KCNIP4: variants seen among roughly 807,000 people sequenced by gnomAD.
The protein encoded by KCNIP4 is potassium voltage-gated channel interacting protein 4.
KCNIP4 carries 12 observed loss-of-function variants against 34.0 expected under a neutral mutation model. The observed-to-expected ratio is 0.35, with a 90% CI of 0.23 to 0.57. The LOEUF is 0.57. KCNIP4 is among the 20% of genes least tolerant of loss of function. The pLI is 0.83. For missense variants in KCNIP4, 238 were observed against 311.7 expected (o/e 0.76, Z 1.78); for synonymous variants, 124 against 102.2 (o/e 1.21, Z -1.29).
At chr4:20,780,120 T>TGTGAG (rs1247273664) in intron 3 of KCNIP4, among the ~76,000 whole-genome samples, 2 of 152,152 alleles carry the variant, frequency 1.3e-5, no homozygotes, top group Non-Finnish European at 2.9e-5. Context: ...GTATGGAACT[T>TGTGAG]GTGAGACTAA....
At chr4:21,596,119 T>C (rs1440510527) in intron 1 of KCNIP4, among the ~76,000 whole-genome samples, 1 of 152,166 alleles carries the variant, frequency 6.6e-6, no homozygotes, top group African/African-American at 2.4e-5. Context: ...ATTCTCTGTT[T>C]CTTGTTTAAC....
rs192927138 is a variant in KCNIP4, at chr4:21,153,171, C to G, written c.62-270462G>C. ...ACTCCTAGTAGTAGAATTGTTGGCT[C>G]AAAGGGTAAATACATCTATAATTTA... is the stretch of plus-strand genomic sequence containing the variant. On this transcript the variant is annotated intron_variant, in intron 1 of 8. Coordinates refer to ENST00000382152, the MANE Select transcript of KCNIP4 (RefSeq NM_025221.6). 1.3e-3 allele frequency among the ~76,000 whole-genome samples: 192 copies of G among 152,168 alleles called. 1 individual carries two copies. The highest frequency in any genetic ancestry group is 1.8e-3 in the Non-Finnish European group (120 of 67,996).
At chr4:20,946,753 C>T (rs1162019121) in intron 1 of KCNIP4, among the ~76,000 whole-genome samples, 1 of 152,118 alleles carries the variant, frequency 6.6e-6, no homozygotes, top group Non-Finnish European at 1.5e-5. Flanking sequence ...AGTTAAAATA[C>T]ATTCATTGGT....
chr4:21,434,890 A>T (rs1226892985), intron 1 of KCNIP4, among the ~76,000 whole-genome samples: 1 of 152,060 alleles, frequency 6.6e-6, no homozygotes, highest in African/African-American at 2.4e-5. Context: ...GGTGTTCTAG[A>T]TAAGTTACTG....
intron 1 of KCNIP4, among the ~76,000 whole-genome samples, chr4:21,759,247 T>C (rs1717883411): frequency 6.6e-6 from 1 of 152,210 alleles, no homozygotes; most frequent in Admixed American, 6.6e-5. Flanking sequence ...AGTGATATGA[T>C]CAGTGAATAG....
chr4:20,791,655 C>T (rs568029848), intron 3 of KCNIP4, among the ~76,000 whole-genome samples: 1 of 152,180 alleles, frequency 6.6e-6, no homozygotes, highest in Admixed American at 6.5e-5. Flanking sequence ...ATAAAACAAT[C>T]AAACTTTATA....
chr4:20,906,770 G>A (rs1727812715), intron 1 of KCNIP4, among the ~76,000 whole-genome samples: 1 of 152,094 alleles, frequency 6.6e-6, no homozygotes, highest in South Asian at 2.1e-4. Context: ...TTCCATTCCA[G>A]CTTTAGACCC....
intron 1 of KCNIP4, among the ~76,000 whole-genome samples, chr4:21,714,675 A>T (rs1714011272): frequency 6.6e-6 from 1 of 152,038 alleles, no homozygotes. Context: ...TTCCCCATTC[A>T]ACACATTTGC....
chr4:21,529,841 C>T (rs758249777), intron 1 of KCNIP4, among the ~76,000 whole-genome samples: 3 of 152,112 alleles, frequency 2.0e-5, no homozygotes, highest in Non-Finnish European at 4.4e-5. Flanking sequence ...ACATGAAATA[C>T]ATCATGGCAT....
In KCNIP4 at chr4:21,618,998, T is replaced by C. The variant is rs1744816164; in HGVS notation, c.61+329573A>G. Among the ~76,000 whole-genome samples, 4 of 152,144 alleles carry C rather than the reference T, an allele frequency of 2.6e-5. No homozygotes were observed. In the South Asian group the frequency reaches 8.3e-4, roughly 32 times the overall value. On this transcript the variant is annotated intron_variant, in intron 1 of 8. Coordinates refer to ENST00000382152, the MANE Select transcript of KCNIP4 (RefSeq NM_025221.6). The stretch of plus-strand genomic sequence containing the variant: ...TTTGTTTCGTCTACCAAATAGTGAG[T>C]TACTTGATGATCCCAGGACCTCATT...
At position 21,177,240 on chromosome 4, in the gene KCNIP4, A is replaced by G. The variant is rs140511794; in HGVS notation, c.62-294531T>C. The stretch of plus-strand genomic sequence containing the variant: ...TACAATCTAGTAAAAGAGATTTGCT[A>G]TATACTCAAGCATTCTCAAAATCCT... On this transcript the variant is annotated intron_variant, in intron 1 of 8. Transcript: ENST00000382152. Among the ~76,000 whole-genome samples the G allele has an allele frequency of 3.1e-3, 479 of 152,306 alleles. 3 individuals carry two copies. The highest frequency in any genetic ancestry group is 0.011 in the African/African-American group (450 of 41,568).
At chr4:21,300,693 A>ATATT (rs1711572294) in intron 1 of KCNIP4, among the ~76,000 whole-genome samples, 1 of 152,120 alleles carries the variant, frequency 6.6e-6, no homozygotes, top group Non-Finnish European at 1.5e-5. Context: ...AATACAATGA[A>ATATT]TATTTCCCTG....
At chr4:21,833,472 T>C (rs1346289149) in intron 1 of KCNIP4, among the ~76,000 whole-genome samples, 2 of 152,208 alleles carry the variant, frequency 1.3e-5, no homozygotes, top group Non-Finnish European at 2.9e-5. Flanking sequence ...TTTGAGTTCA[T>C]TGCAGATTCT....
intron 1 of KCNIP4, among the ~76,000 whole-genome samples, chr4:21,105,066 T>C (rs993465470): frequency 2.0e-5 from 3 of 151,736 alleles, no homozygotes; most frequent in African/African-American, 7.3e-5. Flanking sequence ...TAGGATTGAC[T>C]TGGCAATGTG....
At position 21,358,917 on chromosome 4, in the gene KCNIP4, C is replaced by G. The variant is rs147823005; in HGVS notation, c.62-476208G>C. Among the ~76,000 whole-genome samples the G allele has an allele frequency of 5.2e-3, 791 of 152,206 alleles. 3 individuals are homozygous for G. The highest frequency in any genetic ancestry group is 0.018 in the African/African-American group (741 of 41,562). ...CTTCGAGTTATCCTGCCTTTCCAGA[C>G]CAAACCAGTGTTCATCTTATATATG... is the stretch of plus-strand genomic sequence containing the variant. On this transcript the variant is annotated intron_variant, in intron 1 of 8. Transcript: ENST00000382152.
intron 1 of KCNIP4, among the ~76,000 whole-genome samples, chr4:21,334,341 T>G (rs1410564611): frequency 1.3e-5 from 2 of 152,004 alleles, no homozygotes; most frequent in Non-Finnish European, 2.9e-5. Context: ...AATGTTAACT[T>G]TGGCTTCAGA....
In KCNIP4 at chr4:21,128,307, CT is replaced by C. The variant is rs200894437; in HGVS notation, c.62-245599del. ...CATGGCATTCAAGACTGTTTTCCCC[CT>C]GATTAAAACGTTTTGTCAAAGCAAA... On this transcript the variant is annotated intron_variant, in intron 1 of 8. Transcript: ENST00000382152. Among the ~76,000 whole-genome samples the C allele has an allele frequency of 5.3e-3, 810 of 152,298 alleles. 4 individuals are homozygous for C. The highest frequency in any genetic ancestry group is 0.017 in the African/African-American group (710 of 41,572).
intron 1 of KCNIP4, among the ~76,000 whole-genome samples, chr4:21,759,974 TTC>T (rs1297952880): frequency 6.6e-6 from 1 of 152,084 alleles, no homozygotes; most frequent in Admixed American, 6.6e-5. Context: ...GACATAAATA[TTC>T]TGTTATAGCT....
chr4:21,256,839 G>T (rs1761093107), intron 1 of KCNIP4, among the ~76,000 whole-genome samples: 1 of 152,186 alleles, frequency 6.6e-6, no homozygotes, highest in Non-Finnish European at 1.5e-5. Flanking sequence ...GCTCAGGCAA[G>T]AGATGATGGC....
Sources: allele counts gnomAD v4.1 joint callset (sites outside exome capture counted in the v4.1 genomes callset), GRCh38; gene constraint gnomAD v4.1.1; transcripts MANE v1.5; gene names NCBI Gene and HGNC (gene_info 2026-07-23, HGNC 2026-07-21).